TUBGCP3: variants seen among roughly 807,000 people sequenced by gnomAD.
TUBGCP3 encodes tubulin gamma complex component 3, also known as gamma-tubulin complex component 3.
TUBGCP3 carries 50 observed loss-of-function variants against 123.1 expected under a neutral mutation model. The observed-to-expected ratio is 0.41, with a 90% confidence interval of 0.32 to 0.51. The LOEUF (loss-of-function observed/expected upper bound fraction) is 0.51, where lower values mean the gene tolerates loss of function less well. TUBGCP3 is among the 20% of genes least tolerant of loss of function. The probability of loss-of-function intolerance (pLI) is 0.36; values close to 1 mark genes in which losing one functional copy is unlikely to be tolerated. For missense variants in TUBGCP3, 882 were observed against 1,127.0 expected (o/e 0.78, Z 3.11); for synonymous variants, 405 against 413.9 (o/e 0.98, Z 0.26).
intron 9 of TUBGCP3, 146 bp downstream of exon 9, chr13:112,547,962 T>A (rs1879208966): frequency 1.2e-6 from 1 of 867,378 alleles, no homozygotes; most frequent in African/African-American, 1.7e-5. Context: ...CACTGAAACT[T>A]GATATTCAAA....
rs900889718 is a variant in TUBGCP3 at position 112,508,126 on chromosome 13, A to T, written c.2087-3412T>A. On this transcript the variant is annotated intron_variant, in intron 17 of 21. Transcript: ENST00000261965. The surrounding 1 kb of genome is among the most constrained non-coding windows in gnomAD (Gnocchi z 4.2). Reference sequence around the variant, plus strand: ...CTCAGCATCCCGCAGCCCTGGCCCCACCAGGTTTGCATTGCTTCGCTGTCA... The same window carrying T: ...CTCAGCATCCCGCAGCCCTGGCCCCTCCAGGTTTGCATTGCTTCGCTGTCA... Among the ~76,000 whole-genome samples the T allele has an allele frequency of 6.6e-6, 1 of 151,686 alleles. No homozygotes were observed. Among genetic ancestry groups the T allele is most frequent in the Non-Finnish European group, 1.5e-5 (1 of 67,914 alleles).
intron 11 of TUBGCP3, among the ~76,000 whole-genome samples, chr13:112,543,656 A>G (rs950043709): frequency 6.6e-6 from 1 of 152,242 alleles, no homozygotes; most frequent in Non-Finnish European, 1.5e-5. Context: ...AGAGAAATTT[A>G]GTTTATGATA....
intron 3 of TUBGCP3, among the ~76,000 whole-genome samples, chr13:112,562,877 T>C (rs17121260): frequency 2.0e-5 from 3 of 152,206 alleles, no homozygotes; most frequent in African/African-American, 4.8e-5. Context: ...AGCCGTTTAG[T>C]GCCCAGCACA....
intron 11 of TUBGCP3, 54 bp from the exon 12 acceptor site, chr13:112,527,538 TAACC>T: frequency 8.2e-7 from 1 of 1,218,284 alleles, no homozygotes; most frequent in Non-Finnish European, 1.2e-6. Context: ...GGCAAAATAT[TAACC>T]AACAGCAACA....
chr13:112,548,342 T>C (rs959731815), intron 8 of TUBGCP3, among the ~76,000 whole-genome samples, 166 bp from the exon 9 acceptor site: 14 of 152,192 alleles, frequency 9.2e-5, no homozygotes, highest in African/African-American at 3.4e-4. Context: ...CCACAATATA[T>C]ATTTTAATAA....
chr13:112,584,147 T>A (rs535121866), intron 1 of TUBGCP3: 1 of 152,338 alleles, frequency 6.6e-6, no homozygotes, highest in African/African-American at 2.4e-5. Context: ...ATGGCTCTAG[T>A]TGAAAAGCAA....
rs142708335 is a variant in TUBGCP3, at chr13:112,537,835, G to A, written c.1335+7864C>T. 1.2e-4 allele frequency among the ~76,000 whole-genome samples: 19 copies of A among 152,156 alleles called. 1 individual carries two copies. Among genetic ancestry groups the A allele is most frequent in the African/African-American group, 4.3e-4 (18 of 41,522 alleles). On this transcript the variant is annotated intron_variant, in intron 11 of 21. Coordinates refer to ENST00000261965, the MANE Select transcript of TUBGCP3 (RefSeq NM_006322.6). ...CTTTACCTGTTACAGGTCTATTCAG[G>A]TTTTCTATTTCTTTGTGAATCAATT...
chr13:112,541,720 T>C (rs1878531237), intron 11 of TUBGCP3, among the ~76,000 whole-genome samples: 1 of 152,220 alleles, frequency 6.6e-6, no homozygotes, highest in South Asian at 2.1e-4. Context: ...CTTGTGGCTT[T>C]GACTTTTGTT....
chr13:112,485,966 C>T lies in TUBGCP3; in HGVS notation c.*27G>A, dbSNP rs1269155448. On this transcript the variant is annotated 3_prime_UTR_variant, in exon 22 of 22. Transcript: ENST00000261965. ...GTCTAGCAGTGCAACGAACATCACCCGCAGCTCCCTGGGAGGACCGCGAGC... is the reference window on the plus strand; with the variant it reads ...GTCTAGCAGTGCAACGAACATCACCTGCAGCTCCCTGGGAGGACCGCGAGC... The T allele has an allele frequency of 6.7e-6, 10 of 1,486,242 alleles. No homozygotes were observed. The highest frequency in any genetic ancestry group is 4.5e-5 in the Admixed American group (2 of 44,892). 92.1% of individuals were successfully genotyped at this position (1,486,242 alleles called of 1,614,324 possible).
chr13:112,507,221 C>T (rs930227720), intron 17 of TUBGCP3, among the ~76,000 whole-genome samples: 1 of 152,324 alleles, frequency 6.6e-6, no homozygotes, highest in African/African-American at 2.4e-5. Context: ...TGCCACGACT[C>T]GCGGGTCTCA....
chr13:112,564,837 C>A (rs565797046), intron 3 of TUBGCP3, among the ~76,000 whole-genome samples: 2 of 152,180 alleles, frequency 1.3e-5, no homozygotes, highest in Non-Finnish European at 2.9e-5. Context: ...TTCCTCCCAG[C>A]AGTGTAATTA....
intron 11 of TUBGCP3, among the ~76,000 whole-genome samples, chr13:112,535,549 A>G (rs1877974139): frequency 6.6e-6 from 1 of 152,206 alleles, no homozygotes; most frequent in South Asian, 2.1e-4. Flanking sequence ...TATAATAATA[A>G]TCTTTTCCTG....
chr13:112,521,620 G>A (rs1876634911), intron 14 of TUBGCP3: 1 of 971,994 alleles, frequency 1.0e-6, no homozygotes, highest in South Asian at 4.8e-5. Context: ...AGGGTTTAAA[G>A]GTAAGTTACT....
intron 20 of TUBGCP3, chr13:112,489,935 T>G: frequency 1.8e-6 from 1 of 541,388 alleles, no homozygotes. Flanking sequence ...CTCTGTTGTT[T>G]TTAATATCAC....
At chr13:112,546,004 A>G in intron 10 of TUBGCP3, 139 bp from the exon 11 acceptor site, 1 of 868,304 alleles carries the variant, frequency 1.2e-6, no homozygotes, top group South Asian at 2.0e-5. Context: ...ACCACTTTGG[A>G]CCTAGAAGCA....
chr13:112,558,303 A>G lies in TUBGCP3; in HGVS notation c.441T>C (p.Ser147=). The part of the protein sequence containing the change: ...QTLPLSYQDR[S]AQSAQSSGSV... ...TGCCGGAGCTCTGGGCTGACTGGGC[A>G]CTCCGATCTTGGTAGCTCAGGGGAA... The change falls in exon 5 of 22, where the codon AGT becomes AGC. Residue 147 remains serine (S), a synonymous_variant. Transcript: ENST00000261965. 24 of 1,613,706 alleles carry G rather than the reference A, an allele frequency of 1.5e-5. No individual in the cohort carries two copies. The highest frequency in any genetic ancestry group is 1.9e-5 in the Non-Finnish European group (23 of 1,180,012).
At chr13:112,550,529 C>T (rs1184321910) in intron 8 of TUBGCP3, among the ~76,000 whole-genome samples, 1 of 152,150 alleles carries the variant, frequency 6.6e-6, no homozygotes. Flanking sequence ...CCAGGGCTCC[C>T]GCTGGAGGTA....
chr13:112,559,297 A>G lies in TUBGCP3; in HGVS notation c.330+25T>C, dbSNP rs546284246. ...CAGCCAGGGTGTCCCGACGGACACG[A>G]CGCTGCAAAGGCAAAGCCACTTACC... On this transcript the variant is annotated intron_variant, in intron 4 of 21. Coordinates refer to ENST00000261965, the MANE Select transcript of TUBGCP3 (RefSeq NM_006322.6). 287 of 1,600,826 alleles carry G rather than the reference A, an allele frequency of 1.8e-4. 1 individual carries two copies. In the South Asian group the frequency reaches 2.3e-3, roughly 13 times the overall value.
intron 20 of TUBGCP3, among the ~76,000 whole-genome samples, chr13:112,497,329 T>C (rs61962883): frequency 1.1e-3 from 174 of 152,348 alleles, no homozygotes; most frequent in Middle Eastern, 6.8e-3. Context: ...CAGGAGCTTC[T>C]GTGTGCCAAC....
Sources: allele counts gnomAD v4.1 joint callset (sites outside exome capture counted in the v4.1 genomes callset), GRCh38; gene constraint gnomAD v4.1.1; non-coding constraint Gnocchi (gnomAD v3.1); transcripts MANE v1.5; gene names NCBI Gene and HGNC (gene_info 2026-07-23, HGNC 2026-07-21).